PPIL6: variants seen among roughly 807,000 people sequenced by gnomAD.
The protein encoded by PPIL6 is probable inactive peptidyl-prolyl cis-trans isomerase-like 6.
PPIL6 carries 39 observed loss-of-function variants against 36.8 expected under a neutral mutation model. That is an observed-to-expected ratio of 1.06 (90% confidence interval 0.82 to 1.38). The LOEUF (loss-of-function observed/expected upper bound fraction) is 1.38, where lower values mean the gene tolerates loss of function less well. Ranked by LOEUF, PPIL6 falls within the 40% of genes most tolerant of loss-of-function variation. PPIL6 has a pLI of 0.00. For synonymous variants in PPIL6, 123 were observed against 134.1 expected (o/e 0.92, Z 0.57); for missense variants, 368 against 379.1 (o/e 0.97, Z 0.24).
intron 1 of PPIL6, among the ~76,000 whole-genome samples, chr6:109,437,554 T>C (rs947259800): frequency 3.5e-5 from 4 of 115,798 alleles, no homozygotes; most frequent in African/African-American, 2.3e-4. Context: ...TTTTCTTTTT[T>C]TTTTTTTTTT....
At chr6:109,422,799 C>T (rs1773616132) in intron 5 of PPIL6, among the ~76,000 whole-genome samples, 1 of 152,174 alleles carries the variant, frequency 6.6e-6, no homozygotes, top group African/African-American at 2.4e-5. Flanking sequence ...AAATGTAAGT[C>T]AAATGGAAAG....
chr6:109,408,911 C>T (rs1772902291), intron 6 of PPIL6, among the ~76,000 whole-genome samples: 1 of 152,138 alleles, frequency 6.6e-6, no homozygotes, highest in Admixed American at 6.6e-5. Context: ...GACAAAGGCA[C>T]ATCATAAAAA....
At chr6:109,416,593 T>C (rs1303534278) in intron 6 of PPIL6, among the ~76,000 whole-genome samples, 1 of 152,020 alleles carries the variant, frequency 6.6e-6, no homozygotes, top group Non-Finnish European at 1.5e-5. Flanking sequence ...TCTTCTCATT[T>C]TGTTAATGAC....
In PPIL6 at chr6:109,405,035, CAG is replaced by C. The variant is rs556195746; in HGVS notation, c.689-4867_689-4866del. 344 of 385,296 alleles carry C rather than the reference CAG, an allele frequency of 8.9e-4. 2 individuals are homozygous for C. Among genetic ancestry groups the C allele is most frequent in the African/African-American group, 7.4e-3 (330 of 44,624 alleles). The allele number at this position is 385,296 out of a possible 1,614,324, so 23.9% of individuals were successfully genotyped here. ...CGCCATTGCACTCCAGCATGGGTGACAGAGAGACTCCGTCTCAAAAAAGGAAA... is the reference window on the plus strand; with the variant it reads ...CGCCATTGCACTCCAGCATGGGTGACAGAGACTCCGTCTCAAAAAAGGAAA... On this transcript the variant is annotated intron_variant, in intron 6 of 7. Coordinates refer to ENST00000521072, the MANE Select transcript of PPIL6 (RefSeq NM_173672.5).
chr6:109,410,546 A>C (rs1022233488), intron 6 of PPIL6, among the ~76,000 whole-genome samples: 2 of 151,960 alleles, frequency 1.3e-5, no homozygotes, highest in Non-Finnish European at 2.9e-5. Context: ...CCAAACTCCT[A>C]CTTGTTGAAT....
chr6:109,415,004 C>T lies in PPIL6; in HGVS notation c.688+4183G>A, dbSNP rs141545257. The stretch of plus-strand genomic sequence containing the variant: ...AGGAAGAGAAAATATATCTACTATT[C>T]ATTAAGTGGAAGTGGATCATCATAA... On this transcript the variant is annotated intron_variant, in intron 6 of 7. Coordinates refer to ENST00000521072, the MANE Select transcript of PPIL6 (RefSeq NM_173672.5). 3.0e-3 allele frequency among the ~76,000 whole-genome samples: 454 copies of T among 152,106 alleles called. 1 individual carries two copies. Among genetic ancestry groups the T allele is most frequent in the Middle Eastern group, 0.017 (5 of 294 alleles).
At chr6:109,438,896 T>C (rs1030711385) in intron 1 of PPIL6, among the ~76,000 whole-genome samples, 4 of 152,220 alleles carry the variant, frequency 2.6e-5, no homozygotes, top group African/African-American at 9.6e-5. Flanking sequence ...CTGTAAACAA[T>C]TCTAAAAAAT....
intron 1 of PPIL6, among the ~76,000 whole-genome samples, chr6:109,436,658 T>A (rs1331171153): frequency 1.3e-5 from 2 of 152,038 alleles, no homozygotes; most frequent in Non-Finnish European, 2.9e-5. Context: ...GAGGCAGAGG[T>A]TGCAGTGAGC....
rs2115206273 is a variant in PPIL6 at position 109,403,240 on chromosome 6, G to C, written c.689-3070C>G. The C allele has an allele frequency of 7.7e-6, 4 of 519,996 alleles. No homozygotes were observed. The East Asian group carries it at 1.2e-4, about 16-fold the overall frequency. The allele number at this position is 519,996 out of a possible 1,614,324, so 32.2% of individuals were successfully genotyped here. A position where few individuals can be genotyped will look rare whatever the true frequency, so the allele number is the denominator to read the frequency against. ...CCTGCCTCAACCTCCTGAGTAGCTG[G>C]GACTACAGGTGTGTGCTACCACACC... On this transcript the variant is annotated intron_variant, in intron 6 of 7. Coordinates refer to ENST00000521072, the MANE Select transcript of PPIL6 (RefSeq NM_173672.5).
intron 2 of PPIL6, among the ~76,000 whole-genome samples, chr6:109,434,334 T>C (rs957416770): frequency 2.6e-5 from 4 of 152,074 alleles, no homozygotes; most frequent in Non-Finnish European, 5.9e-5. Flanking sequence ...GGTAGGAGGG[T>C]TGCTTGAAGC....
chr6:109,392,666 C>G lies in PPIL6; in HGVS notation c.*160G>C. On this transcript the variant is annotated 3_prime_UTR_variant, in exon 8 of 8. Transcript: ENST00000521072. ...CCTTTCACAGTCTCTATGACAGAGA[C>G]AGGAAAGGAAGATGGGGAGGGATTG... 1.7e-6 allele frequency: 1 copy of G among 571,740 alleles called. No homozygotes were observed. The highest frequency in any genetic ancestry group is 3.1e-6 in the Non-Finnish European group (1 of 325,242). 35.4% of individuals were successfully genotyped at this position (571,740 alleles called of 1,614,324 possible).
chr6:109,438,297 G>T (rs1774564838), intron 1 of PPIL6, among the ~76,000 whole-genome samples: 1 of 151,834 alleles, frequency 6.6e-6, no homozygotes, highest in Admixed American at 6.6e-5. Context: ...AGAACTAGAG[G>T]CTGGGCATCA....
At chr6:109,424,343 G>A (rs1461419698) in intron 5 of PPIL6, among the ~76,000 whole-genome samples, 1 of 152,108 alleles carries the variant, frequency 6.6e-6, no homozygotes, top group Non-Finnish European at 1.5e-5. Flanking sequence ...GCCAGAGGCT[G>A]TGTGTGCAAC....
intron 6 of PPIL6, among the ~76,000 whole-genome samples, chr6:109,416,958 AGGAGTT>A (rs942089108): frequency 1.3e-5 from 2 of 152,094 alleles, no homozygotes; most frequent in African/African-American, 4.8e-5. Context: ...ACTTGAGCCC[AGGAGTT>A]GGAGACCAGC....
At chr6:109,440,382 G>A in intron 1 of PPIL6, 74 bp downstream of exon 1, 1 of 1,498,870 alleles carries the variant, frequency 6.7e-7, no homozygotes, top group South Asian at 1.2e-5. Context: ...GAGGAGGCGC[G>A]GCGCCTGCAG....
At chr6:109,422,508 T>C (rs1773603558) in intron 5 of PPIL6, among the ~76,000 whole-genome samples, 1 of 152,090 alleles carries the variant, frequency 6.6e-6, no homozygotes, top group Non-Finnish European at 1.5e-5. Flanking sequence ...GAAGATCACT[T>C]GAGTCCAGGA....
rs1772094984 is a variant in PPIL6 at position 109,391,355 on chromosome 6, G to T, written c.*1471C>A. 6.6e-6 allele frequency: 1 copy of T among 151,506 alleles called. No individual in the cohort carries two copies. Among genetic ancestry groups the T allele is most frequent in the Non-Finnish European group, 1.5e-5 (1 of 68,144 alleles). 9.4% of individuals were successfully genotyped at this position (151,506 alleles called of 1,614,324 possible). A position where few individuals can be genotyped will look rare whatever the true frequency, so the allele number is the denominator to read the frequency against. On this transcript the variant is annotated 3_prime_UTR_variant, in exon 8 of 8. Transcript: ENST00000521072. ...AGTCTGGGCAGAGCAGGGGCACAGG[G>T]TAGTGGTGGTAACAGGAGCTGAGCA...
rs1334030791 is a variant in PPIL6 at position 109,427,077 on chromosome 6, A to G, written c.483+17T>C. On this transcript the variant is annotated intron_variant, in intron 4 of 7. Transcript: ENST00000521072. ...AGATCCTACCCCCACAAACTTACATATAAAAAAAAGTATCACCTCAAAAAT... is the reference window on the plus strand; with the variant it reads ...AGATCCTACCCCCACAAACTTACATGTAAAAAAAAGTATCACCTCAAAAAT... 6.2e-7 allele frequency: 1 copy of G among 1,603,690 alleles called. No homozygotes were observed. The highest frequency in any genetic ancestry group is 1.7e-5 in the Admixed American group (1 of 59,824).
chr6:109,441,035 G>A, upstream of PPIL6: 2 of 1,398,946 alleles, frequency 1.4e-6, no homozygotes, highest in Non-Finnish European at 2.0e-6. Context: ...AACGGTCTGG[G>A]GAGAAGGCGC....
Sources: gnomAD v4.1 joint callset for allele counts (sites outside exome capture counted in the v4.1 genomes callset) on GRCh38, gnomAD v4.1.1 for gene constraint, MANE v1.5 for transcripts, NCBI Gene and HGNC (gene_info 2026-07-23, HGNC 2026-07-21) for gene names.